The following TAF2 variants were observed in gnomAD, a reference collection of about 807,000 sequenced individuals.
TAF2 encodes TATA-box binding protein associated factor 2, also known as transcription initiation factor TFIID subunit 2.
Under a neutral mutation model 138.5 loss-of-function variants are expected in TAF2, and 61 were observed. The ratio of observed to expected loss-of-function variants is 0.44; its 90% CI spans 0.36 to 0.54. The LOEUF is 0.54. Among genes scored for constraint, TAF2 ranks in the 20% least tolerant of loss-of-function variants. TAF2 has a pLI of 0.00. For synonymous variants in TAF2, 475 were observed against 469.9 expected (o/e 1.01, Z -0.14); for missense variants, 1,090 against 1,427.9 (o/e 0.76, Z 3.81).
chr8:119,818,781 A>G (rs1825647446), intron 3 of TAF2, among the ~76,000 whole-genome samples: 1 of 151,786 alleles, frequency 6.6e-6, no homozygotes, highest in Admixed American at 6.6e-5. Flanking sequence ...AAATGGAAAC[A>G]AAGTATGAAA....
intron 3 of TAF2, among the ~76,000 whole-genome samples, chr8:119,817,342 T>G (rs1373831284): frequency 2.6e-5 from 4 of 152,160 alleles, no homozygotes; most frequent in African/African-American, 9.7e-5. Context: ...CCAGCAGCAC[T>G]AGATTCTCAT....
At chr8:119,750,787 C>CA (rs1365290239) in intron 22 of TAF2, among the ~76,000 whole-genome samples, 2 of 152,142 alleles carry the variant, frequency 1.3e-5, no homozygotes, top group African/African-American at 4.8e-5. Context: ...TAGAAGTTGT[C>CA]CCTCATTCTA....
At chr8:119,769,341 C>CA (rs1821666129) in intron 18 of TAF2, among the ~76,000 whole-genome samples, 1 of 152,046 alleles carries the variant, frequency 6.6e-6, no homozygotes. Flanking sequence ...AAAGTAAATT[C>CA]AAAAATCAGA....
In TAF2 at chr8:119,803,972, T is replaced by C. The variant is rs201478549; in HGVS notation, c.466A>G (p.Lys156Glu). The change falls in exon 5 of 26, where the codon AAA becomes GAA. Residue 156 changes from lysine (K) to glutamate (E), a missense_variant. Lys to Glu is a moderately conservative substitution (Grantham distance 56). Transcript: ENST00000378164. ...IHINFSLDQP[K>E]GGLHFVVPSV... Reference sequence around the variant, plus strand: ...GGTACCACAAAATGAAGACCTCCTTTGGGCTGATCCAAAGAAAAATTGATG... The same window carrying C: ...GGTACCACAAAATGAAGACCTCCTTCGGGCTGATCCAAAGAAAAATTGATG... 2.5e-4 allele frequency: 400 copies of C among 1,614,132 alleles called. 2 individuals carry two copies. The highest frequency in any genetic ancestry group is 1.2e-3 in the Middle Eastern group (7 of 6,060).
At chr8:119,823,788 T>G (rs1825933627) in intron 2 of TAF2, among the ~76,000 whole-genome samples, 1 of 152,166 alleles carries the variant, frequency 6.6e-6, no homozygotes, top group South Asian at 2.1e-4. Context: ...TGCGGGAAAG[T>G]TTGGAACTTC....
chr8:119,770,657 C>T (rs1354277414), intron 18 of TAF2, among the ~76,000 whole-genome samples: 2 of 152,126 alleles, frequency 1.3e-5, no homozygotes, highest in African/African-American at 4.8e-5. Flanking sequence ...AAGCAGAAAG[C>T]TCACAGATCC....
intron 2 of TAF2, among the ~76,000 whole-genome samples, chr8:119,820,992 G>C (rs1391482114): frequency 1.3e-5 from 2 of 150,284 alleles, no homozygotes; most frequent in Non-Finnish European, 2.9e-5. Flanking sequence ...TGAAAGATAA[G>C]ATTTAGAACC....
chr8:119,765,466 A>G (rs1821358724), intron 18 of TAF2, among the ~76,000 whole-genome samples: 1 of 152,174 alleles, frequency 6.6e-6, no homozygotes. Context: ...TAAGGAGACA[A>G]CATTAACAAA....
At chr8:119,798,177 A>G (rs1370446513) in intron 6 of TAF2, among the ~76,000 whole-genome samples, 3 of 152,208 alleles carry the variant, frequency 2.0e-5, no homozygotes, top group Non-Finnish European at 4.4e-5. Context: ...TATTATAAAC[A>G]TACCTCTTAT....
intron 3 of TAF2, among the ~76,000 whole-genome samples, chr8:119,812,532 A>G (rs1183492341): frequency 6.6e-6 from 1 of 152,132 alleles, no homozygotes; most frequent in East Asian, 1.9e-4. Flanking sequence ...GTATGTCTTC[A>G]CATACCCATA....
chr8:119,775,707 A>G (rs1489092401), intron 18 of TAF2, among the ~76,000 whole-genome samples: 3 of 152,118 alleles, frequency 2.0e-5, no homozygotes, highest in Non-Finnish European at 4.4e-5. Flanking sequence ...CGTCTCAAAA[A>G]AGAATAATAA....
chr8:119,823,307 G>A (rs1825902829), intron 2 of TAF2, among the ~76,000 whole-genome samples: 1 of 152,140 alleles, frequency 6.6e-6, no homozygotes, highest in Non-Finnish European at 1.5e-5. Flanking sequence ...GAAGTTACCT[G>A]ACATGTTTGG....
At chr8:119,819,204 AG>A in intron 3 of TAF2, 141 bp downstream of exon 3, 1 of 827,780 alleles carries the variant, frequency 1.2e-6, no homozygotes. Flanking sequence ...CCAAATGTAC[AG>A]AGTGGTAAAA....
chr8:119,818,995 T>C (rs1272070941), intron 3 of TAF2, among the ~76,000 whole-genome samples: 1 of 152,188 alleles, frequency 6.6e-6, no homozygotes, highest in African/African-American at 2.4e-5. Context: ...GCCTCTGGTC[T>C]ACAGATTACA....
intron 18 of TAF2, among the ~76,000 whole-genome samples, chr8:119,774,135 C>T (rs573968407): frequency 3.3e-5 from 5 of 151,628 alleles, no homozygotes; most frequent in African/African-American, 4.8e-5. Context: ...GGCGCCACTG[C>T]ACCCTAGCCT....
chr8:119,742,082 T>C (rs1464709682), intron 25 of TAF2, among the ~76,000 whole-genome samples: 1 of 152,242 alleles, frequency 6.6e-6, no homozygotes, highest in East Asian at 1.9e-4. Context: ...TCACCAATTA[T>C]ATACACGAGT....
rs1000240301 is a variant in TAF2 at position 119,819,164 on chromosome 8, C to T, written c.299+182G>A. On this transcript the variant is annotated intron_variant, in intron 3 of 25. Transcript: ENST00000378164. ...ATGAAGAAGGGAAACTTAGTAACTA[C>T]GTTGGGCACAGCTAGCAAAATCACT... Among the ~76,000 whole-genome samples the T allele has an allele frequency of 7.9e-5, 12 of 152,006 alleles. No individual in the cohort carries two copies. The East Asian group carries it at 1.5e-3, about 20-fold the overall frequency.
intron 6 of TAF2, among the ~76,000 whole-genome samples, chr8:119,799,814 T>C (rs1404813930): frequency 2.0e-5 from 3 of 152,200 alleles, no homozygotes; most frequent in African/African-American, 4.8e-5. Flanking sequence ...CCAGCACCTG[T>C]TGTTTCCTGA....
Position 119,803,895 on chromosome 8 carries a change from C to A in TAF2, c.543G>T (p.Gly181=). 1 of 1,613,286 alleles carries A rather than the reference C, an allele frequency of 6.2e-7. No individual in the cohort carries two copies. The highest frequency in any genetic ancestry group is 1.1e-5 in the South Asian group (1 of 90,932). Residue 181 remains glycine (G), a synonymous_variant, in exon 5 of 26, where the codon GGG becomes GGT. Coordinates refer to ENST00000378164, the MANE Select transcript of TAF2 (RefSeq NM_003184.4). ...AERGAHVFSC[G]YQNSTRFWFP... The stretch of plus-strand genomic sequence containing the variant: ...TAATCTACCTTGTAGAATTTTGATA[C>A]CCACAAGAGAAAACATGAGCACCTC...
Sources: allele counts gnomAD v4.1 joint callset (sites outside exome capture counted in the v4.1 genomes callset), GRCh38; gene constraint gnomAD v4.1.1; transcripts MANE v1.5; gene names NCBI Gene and HGNC (gene_info 2026-07-23, HGNC 2026-07-21).